Variants in TP63 observed in about 807,000 individuals in gnomAD.
TP63 encodes the protein tumor protein 63.
In TP63, 17 loss-of-function variants were observed where a neutral mutation model predicts 82.8. That is an observed-to-expected ratio of 0.21 (90% CI 0.14 to 0.31). The LOEUF is 0.31. Ranked by LOEUF, TP63 falls within the 10% of genes least tolerant of loss-of-function variation. The pLI is 1.00. For synonymous variants in TP63, 330 were observed against 321.7 expected (o/e 1.03, Z -0.28); for missense variants, 648 against 895.3 (o/e 0.72, Z 3.52).
chr3:189,877,945 G>T (rs1425858455), intron 10 of TP63, among the ~76,000 whole-genome samples: 3 of 152,004 alleles, frequency 2.0e-5, no homozygotes, highest in Non-Finnish European at 4.4e-5. Flanking sequence ...TGGACTTCTG[G>T]GCTCAAGCGA....
At chr3:189,798,025 C>T (rs1725890908) in intron 3 of TP63, among the ~76,000 whole-genome samples, 1 of 152,010 alleles carries the variant, frequency 6.6e-6, no homozygotes, top group South Asian at 2.1e-4. Flanking sequence ...TCCTTCCTCC[C>T]TATCCTTTGA....
chr3:189,629,382 C>G, upstream of TP63, among the ~76,000 whole-genome samples: 1 of 151,730 alleles, frequency 6.6e-6, no homozygotes, highest in Non-Finnish European at 1.5e-5. Context: ...GAAGCTGTCT[C>G]AAAAATAATA....
At chr3:189,729,392 T>G (rs1012299216) in intron 1 of TP63, among the ~76,000 whole-genome samples, 15 of 152,150 alleles carry the variant, frequency 9.9e-5, no homozygotes, top group African/African-American at 3.1e-4. Context: ...GCCGTGAAGC[T>G]GTGGGCAATC....
chr3:189,761,462 T>C (rs1722565004), intron 3 of TP63, among the ~76,000 whole-genome samples: 1 of 152,204 alleles, frequency 6.6e-6, no homozygotes, highest in Non-Finnish European at 1.5e-5. Context: ...ACAAGAGTCA[T>C]CTTTGCTCCA....
At chr3:189,815,641 A>G (rs5028799) in intron 4 of TP63, among the ~76,000 whole-genome samples, 46,657 of 152,036 alleles carry the variant, frequency 0.31, 8,365 homozygotes, top group African/African-American at 0.51. Context: ...GTAAAACACT[A>G]CAGGCCAAAC....
intron 1 of TP63, among the ~76,000 whole-genome samples, chr3:189,693,305 G>A (rs375834752): frequency 1.8e-4 from 27 of 152,226 alleles, no homozygotes; most frequent in African/African-American, 6.3e-4. Flanking sequence ...TTGAAGGTTA[G>A]CTACTCTTCC....
chr3:189,601,090 T>A, the TP63 span, among the ~76,000 whole-genome samples: 6 of 152,224 alleles, frequency 3.9e-5, no homozygotes, highest in Non-Finnish European at 7.3e-5. Context: ...AAGTCATTGC[T>A]TATTTTTAAT....
chr3:189,863,203 C>T (rs1030176135), intron 4 of TP63, among the ~76,000 whole-genome samples: 3 of 151,690 alleles, frequency 2.0e-5, no homozygotes, highest in African/African-American at 7.2e-5. Context: ...TGTTTGGATA[C>T]ATGTTACTAG....
At chr3:189,667,142 C>G (rs1015827914) in intron 1 of TP63, among the ~76,000 whole-genome samples, 1 of 150,806 alleles carries the variant, frequency 6.6e-6, no homozygotes, top group Non-Finnish European at 1.5e-5. Context: ...CACGACAGTC[C>G]CACTGAAGCT....
the TP63 span, among the ~76,000 whole-genome samples, chr3:189,618,911 C>T: frequency 1.3e-5 from 2 of 151,960 alleles, no homozygotes; most frequent in Non-Finnish European, 2.9e-5. Flanking sequence ...TCACTTTTTC[C>T]AGACTTTTTC....
chr3:189,891,137 A>G (rs1434818941), intron 13 of TP63, among the ~76,000 whole-genome samples: 1 of 152,178 alleles, frequency 6.6e-6, no homozygotes, highest in African/African-American at 2.4e-5. Flanking sequence ...CACTATTCTC[A>G]AGGTGGGAAA....
chr3:189,755,069 C>G (rs1722090681), intron 3 of TP63, among the ~76,000 whole-genome samples: 1 of 152,058 alleles, frequency 6.6e-6, no homozygotes, highest in Non-Finnish European at 1.5e-5. Flanking sequence ...TAGGTGCGAC[C>G]TTTACAATCT....
In TP63 at chr3:189,741,883, C is replaced by A. The variant is rs79937496; in HGVS notation, c.324+3109C>A. Among the ~76,000 whole-genome samples the A allele has an allele frequency of 6.4e-3, 973 of 152,178 alleles. 8 individuals carry two copies. Among genetic ancestry groups the A allele is most frequent in the African/African-American group, 0.022 (906 of 41,522 alleles). ...TAGTAAGTAAAGGTGAGTGGAGGCTCTCCAAAAAATTTGACATTTTAGTCT... is the reference window on the plus strand; with the variant it reads ...TAGTAAGTAAAGGTGAGTGGAGGCTATCCAAAAAATTTGACATTTTAGTCT... On this transcript the variant is annotated intron_variant, in intron 3 of 13. Coordinates refer to ENST00000264731, the MANE Select transcript of TP63 (RefSeq NM_003722.5).
chr3:189,875,635 TATAA>T (rs1470700249), intron 10 of TP63, among the ~76,000 whole-genome samples: 1 of 129,614 alleles, frequency 7.7e-6, no homozygotes, highest in Non-Finnish European at 1.6e-5. Flanking sequence ...TATATATATA[TATAA>T]ACTATTCTTA....
In TP63 at chr3:189,897,138, AT is replaced by A; in HGVS notation, c.*2642del. The A allele has an allele frequency of 4.8e-6, 1 of 208,200 alleles. No homozygotes were observed. The allele number at this position is 208,200 out of a possible 1,614,324, so 12.9% of individuals were successfully genotyped here. On this transcript the variant is annotated 3_prime_UTR_variant, in exon 14 of 14. Transcript: ENST00000264731. Reference sequence around the variant, plus strand: ...TCAAAAGGTATTATACATGTGATACATTTTTTAAGCTTCAGTTGCTTGTCTT... The same window carrying A: ...TCAAAAGGTATTATACATGTGATACATTTTTAAGCTTCAGTTGCTTGTCTT...
chr3:189,869,902 G>A (rs906136367), intron 9 of TP63, among the ~76,000 whole-genome samples: 1 of 152,052 alleles, frequency 6.6e-6, no homozygotes, highest in African/African-American at 2.4e-5. Context: ...TTGAGAGCTG[G>A]TGATACAAAG....
chr3:189,675,473 C>T (rs1053507223), intron 1 of TP63, among the ~76,000 whole-genome samples: 11 of 151,932 alleles, frequency 7.2e-5, no homozygotes, highest in African/African-American at 2.7e-4. Flanking sequence ...ACCTAAACAT[C>T]ATAATTTGAT....
the TP63 span, among the ~76,000 whole-genome samples, chr3:189,620,901 C>G: frequency 6.6e-6 from 1 of 152,168 alleles, no homozygotes; most frequent in Admixed American, 6.5e-5. Flanking sequence ...CAAGACAGTT[C>G]ATCAGGAAAT....
intron 10 of TP63, 169 bp downstream of exon 10, chr3:189,873,164 T>A: frequency 1.1e-6 from 1 of 901,776 alleles, no homozygotes; most frequent in South Asian, 1.5e-5. Flanking sequence ...CTTTTTTACG[T>A]GTCTTATTAT....
Sources: allele counts gnomAD v4.1 joint callset (sites outside exome capture counted in the v4.1 genomes callset), GRCh38; gene constraint gnomAD v4.1.1; transcripts MANE v1.5; gene names NCBI Gene and HGNC (gene_info 2026-07-23, HGNC 2026-07-21).